The following SYNE1 variants were observed in gnomAD, a reference collection of about 807,000 sequenced individuals.
The protein encoded by SYNE1 is spectrin repeat containing nuclear envelope protein 1, also known as nesprin-1.
SYNE1 carries 616 observed loss-of-function variants against 1,111.0 expected under a neutral mutation model. The observed-to-expected ratio is 0.55, with a 90% CI of 0.52 to 0.59. The LOEUF (loss-of-function observed/expected upper bound fraction) is 0.59. Ranked by LOEUF, SYNE1 falls within the 20% of genes least tolerant of loss-of-function variation. SYNE1 has a pLI of 0.00. For synonymous variants in SYNE1, 3,855 were observed against 3,825.8 expected (o/e 1.01, Z -0.28); for missense variants, 10,006 against 10,417.0 (o/e 0.96, Z 1.72).
intron 14 of SYNE1, 42 bp downstream of exon 14, chr6:152,483,043 T>C: frequency 2.5e-6 from 4 of 1,612,638 alleles, no homozygotes; most frequent in Non-Finnish European, 3.4e-6. Context: ...CAGACCACAG[T>C]AGGGCTGTTA....
chr6:152,499,512 C>T (rs1018977881), intron 10 of SYNE1, among the ~76,000 whole-genome samples: 1 of 151,864 alleles, frequency 6.6e-6, no homozygotes, highest in Non-Finnish European at 1.5e-5. Context: ...TATGTTCATG[C>T]CAAGAATTTT....
chr6:152,213,391 A>G (rs1206255944), intron 123 of SYNE1, among the ~76,000 whole-genome samples: 1 of 152,192 alleles, frequency 6.6e-6, no homozygotes, highest in Non-Finnish European at 1.5e-5. Flanking sequence ...AAGGAACTGA[A>G]GATTGACACG....
At position 152,510,363 on chromosome 6, in the gene SYNE1, C is replaced by T. The variant is rs780512445; in HGVS notation, c.411G>A (p.Glu137=). The stretch of plus-strand genomic sequence containing the variant: ...GGAGCTGGGGCAGGTTGCTGGTCAA[C>T]TCTTCAATCTGTTTGTGAGTTAACA... ...WTIILYFQIE[E]LTSNLPQLQS... The change falls in exon 8 of 146, where the codon GAG becomes GAA. Residue 137 remains glutamate (E), a synonymous_variant. Transcript: ENST00000367255. 42 of 1,613,678 alleles carry T rather than the reference C, an allele frequency of 2.6e-5. No individual in the cohort carries two copies. Among genetic ancestry groups the T allele is most frequent in the Non-Finnish European group, 3.3e-5 (39 of 1,179,930 alleles).
chr6:152,508,478 G>A (rs920389878), intron 8 of SYNE1, among the ~76,000 whole-genome samples: 1 of 152,124 alleles, frequency 6.6e-6, no homozygotes, highest in Non-Finnish European at 1.5e-5. Context: ...ATTAAATGCT[G>A]GATAACTCCA....
rs1185036942 is a variant in SYNE1, at chr6:152,316,870, C to T, written c.16689G>A (p.Arg5563=). The part of the protein sequence containing the change: ...TIAWNSASQL[R]EQYILHQTLL... ...TTACCTGATGCAAAATATATTGTTC[C>T]CGAAGCTGGCTTGCAGAATTCCATG... The change falls in exon 87 of 146, where the codon CGG becomes CGA. Residue 5563 remains arginine, a synonymous_variant. Coordinates refer to ENST00000367255, the MANE Select transcript of SYNE1 (RefSeq NM_182961.4). 2.5e-6 allele frequency: 4 copies of T among 1,614,092 alleles called. No homozygotes were observed. Among genetic ancestry groups the T allele is most frequent in the Non-Finnish European group, 3.4e-6 (4 of 1,180,006 alleles).
At chr6:152,588,087 G>T (rs932278531) in intron 3 of SYNE1, among the ~76,000 whole-genome samples, 2 of 152,072 alleles carry the variant, frequency 1.3e-5, no homozygotes, top group African/African-American at 4.8e-5. Flanking sequence ...TTTATCACTT[G>T]TCTGTCTGAA....
chr6:152,570,298 C>T (rs748240872), intron 3 of SYNE1, among the ~76,000 whole-genome samples: 13 of 152,174 alleles, frequency 8.5e-5, no homozygotes, highest in Admixed American at 2.6e-4. Context: ...CAAAATATTA[C>T]GCTTTCAGAA....
At chr6:152,367,079 A>G in intron 62 of SYNE1, 139 bp downstream of exon 62, 2 of 1,054,952 alleles carry the variant, frequency 1.9e-6, no homozygotes, top group Non-Finnish European at 3.0e-6. Flanking sequence ...CACCCAAGGC[A>G]GACAGCGTTG....
intron 77 of SYNE1, among the ~76,000 whole-genome samples, chr6:152,332,910 A>C (rs2096281220): frequency 6.6e-6 from 1 of 152,186 alleles, no homozygotes; most frequent in Non-Finnish European, 1.5e-5. Flanking sequence ...GGACCTGTTA[A>C]GTCTCAGGTG....
At chr6:152,133,129 G>C (rs950725023) in intron 143 of SYNE1, 147 bp downstream of exon 143, 2 of 758,464 alleles carry the variant, frequency 2.6e-6, no homozygotes, top group South Asian at 3.3e-5. Context: ...TTTTTATTTT[G>C]AGACAGGACT....
At chr6:152,489,652 T>C (rs1329009705) in intron 11 of SYNE1, among the ~76,000 whole-genome samples, 1 of 152,152 alleles carries the variant, frequency 6.6e-6, no homozygotes, top group Admixed American at 6.6e-5. Flanking sequence ...GCAAAAGCAG[T>C]TGTCTTCTGC....
chr6:152,450,549 C>T, intron 27 of SYNE1, 76 bp downstream of exon 27: 1 of 1,248,844 alleles, frequency 8.0e-7, no homozygotes, highest in East Asian at 2.3e-5. Context: ...TAAGTTATTT[C>T]TTGTTTTGTC....
chr6:152,231,250 G>T, intron 114 of SYNE1, 141 bp downstream of exon 114: 1 of 809,618 alleles, frequency 1.2e-6, no homozygotes, highest in Non-Finnish European at 2.1e-6. Context: ...GAAGTTTAGG[G>T]TGATTAACCT....
chr6:152,414,383 T>C (rs2098120417), intron 41 of SYNE1, among the ~76,000 whole-genome samples: 1 of 151,908 alleles, frequency 6.6e-6, no homozygotes, highest in African/African-American at 2.4e-5. Context: ...CACTCTAGCC[T>C]GGGTGACAGA....
intron 22 of SYNE1, chr6:152,456,693 C>T (rs1400959603): frequency 2.2e-6 from 1 of 448,750 alleles, no homozygotes; most frequent in Admixed American, 2.5e-5. Flanking sequence ...TGACTTGTAG[C>T]CTGCAATTGT....
chr6:152,128,421 C>G (rs952818543), intron 145 of SYNE1: 1 of 152,146 alleles, frequency 6.6e-6, no homozygotes, highest in Non-Finnish European at 1.5e-5. Flanking sequence ...TTTGTAGGCC[C>G]AGGGCCTAAA....
intron 30 of SYNE1, 70 bp downstream of exon 30, chr6:152,444,341 T>C (rs147354806): frequency 6.4e-7 from 1 of 1,554,108 alleles, no homozygotes; most frequent in Non-Finnish European, 8.8e-7. Context: ...GTTGTATTCT[T>C]TATCTCTCTG....
intron 136 of SYNE1, 54 bp downstream of exon 136, chr6:152,149,423 C>G (rs1349520930): frequency 1.9e-6 from 3 of 1,608,320 alleles, no homozygotes; most frequent in African/African-American, 2.7e-5. Context: ...CCCAATCCCA[C>G]ACGACTTATT....
chr6:152,505,125 C>T (rs920892090), intron 9 of SYNE1, 76 bp downstream of exon 9: 149 of 1,509,632 alleles, frequency 9.9e-5, no homozygotes, highest in Non-Finnish European at 1.3e-4. Flanking sequence ...TCTTGGAAGT[C>T]ATGTGTATTT....
Sources: allele counts gnomAD v4.1 joint callset (sites outside exome capture counted in the v4.1 genomes callset), GRCh38; gene constraint gnomAD v4.1.1; transcripts MANE v1.5; gene names NCBI Gene and HGNC (gene_info 2026-07-23, HGNC 2026-07-21).